The following NPHP4 variants were observed in gnomAD, a reference collection of about 807,000 sequenced individuals.
NPHP4 encodes the protein nephrocystin 4.
Under a neutral mutation model 155.8 loss-of-function variants are expected in NPHP4, and 151 were observed. The ratio of observed to expected loss-of-function variants is 0.97; its 90% confidence interval spans 0.85 to 1.11. The LOEUF is 1.11. Among genes scored for constraint, NPHP4 ranks in the 50% least tolerant of loss-of-function variants. The pLI is 0.00. For synonymous variants in NPHP4, 845 were observed against 816.8 expected, an observed-to-expected ratio of 1.03 and a Z score of -0.59; for missense variants, 1,956 against 1,925.7, an observed-to-expected ratio of 1.02 and a Z score of -0.29.
intron 6 of NPHP4, among the ~76,000 whole-genome samples, chr1:5,958,355 C>G (rs1046347981): frequency 6.6e-6 from 1 of 152,004 alleles, no homozygotes; most frequent in Non-Finnish European, 1.5e-5. Context: ...GAGTTTGAGA[C>G]CAGCCTGGGC....
At chr1:5,864,652 C>T (rs1297085624) in intron 27 of NPHP4, 135 bp from the exon 28 acceptor site, 1 of 727,862 alleles carries the variant, frequency 1.4e-6, no homozygotes, top group African/African-American at 1.8e-5. Context: ...AATCTGAGGC[C>T]ACAACCAACC....
intron 5 of NPHP4, among the ~76,000 whole-genome samples, chr1:5,965,647 A>C (rs565053489): frequency 1.3e-3 from 191 of 152,174 alleles, no homozygotes; most frequent in African/African-American, 4.4e-3. Context: ...GAGTTCCAGG[A>C]GTGACAGGAG....
Position 5,913,868 on chromosome 1 carries a change from C to G in NPHP4, c.1442-4655G>C, listed in dbSNP as rs535217446. ...CCGAAGGAGATCATTCTATACATAACGCAGAGAACAGAAAAGAACATTGTT... is the reference window on the plus strand; with the variant it reads ...CCGAAGGAGATCATTCTATACATAAGGCAGAGAACAGAAAAGAACATTGTT... On this transcript the variant is annotated intron_variant, in intron 11 of 29. Transcript: ENST00000378156. Among the ~76,000 whole-genome samples, 414 of 152,268 alleles carry G rather than the reference C, an allele frequency of 2.7e-3. 1 individual carries two copies. Among genetic ancestry groups the G allele is most frequent in the Middle Eastern group, 6.8e-3 (2 of 294 alleles).
At chr1:5,981,466 G>A (rs1654685282) in intron 2 of NPHP4, among the ~76,000 whole-genome samples, 1 of 151,918 alleles carries the variant, frequency 6.6e-6, no homozygotes, top group Non-Finnish European at 1.5e-5. Flanking sequence ...CAATGATCAT[G>A]GTAAAATTAA....
At chr1:5,888,910 A>G (rs1477574394) in intron 17 of NPHP4, among the ~76,000 whole-genome samples, 1 of 152,202 alleles carries the variant, frequency 6.6e-6, no homozygotes, top group African/African-American at 2.4e-5. Context: ...TAGGGAGAAG[A>G]GGATGGTAAA....
At chr1:5,878,282 T>C (rs560763490) in intron 19 of NPHP4, among the ~76,000 whole-genome samples, 14 of 152,356 alleles carry the variant, frequency 9.2e-5, no homozygotes, top group Admixed American at 2.0e-4. Context: ...AAGGAAACAG[T>C]GCCACTGTCA....
intron 16 of NPHP4, among the ~76,000 whole-genome samples, chr1:5,899,512 G>A (rs1644566237): frequency 1.3e-5 from 2 of 152,234 alleles, no homozygotes; most frequent in Non-Finnish European, 2.9e-5. Flanking sequence ...GGACTGCGGT[G>A]AGGGAGGCCT....
intron 16 of NPHP4, among the ~76,000 whole-genome samples, chr1:5,895,763 C>T (rs998696970): frequency 2.6e-5 from 4 of 152,158 alleles, no homozygotes; most frequent in Admixed American, 1.3e-4. Context: ...GCTGAGATAG[C>T]GAAATACTAG....
At position 5,867,095 on chromosome 1, in the gene NPHP4, C is replaced by A. The variant is rs767754476; in HGVS notation, c.3493G>T (p.Gly1165Cys). 1 of 1,612,422 alleles carries A rather than the reference C, an allele frequency of 6.2e-7. No individual in the cohort carries two copies. Among genetic ancestry groups the A allele is most frequent in the East Asian group, 2.2e-5 (1 of 44,824 alleles). The change falls in exon 25 of 30, where the codon GGT (glycine) becomes TGT (cysteine). Residue 1165 changes from glycine (G) to cysteine (C), a missense_variant. By Grantham distance (159) the Gly-to-Cys change is radical. Coordinates refer to ENST00000378156, the MANE Select transcript of NPHP4 (RefSeq NM_015102.5). The surrounding 1 kb of genome is among the most constrained non-coding windows in gnomAD (Gnocchi z 4.1). ...CGAACATGGACTGGGGGGTCCTCACCAAGCATTCCCACCGGAGCACCTGGA... is the reference window on the plus strand; with the variant it reads ...CGAACATGGACTGGGGGGTCCTCACAAAGCATTCCCACCGGAGCACCTGGA... ...TFPGAPVGML[G>C]EDPPVHVRCS...
intron 17 of NPHP4, chr1:5,888,644 T>C (rs762586152): frequency 6.8e-6 from 9 of 1,326,162 alleles, no homozygotes; most frequent in Non-Finnish European, 3.0e-6. Context: ...CAAGAAACCA[T>C]GTCAGCTTCT....
At chr1:5,954,413 T>C (rs964822949) in intron 6 of NPHP4, among the ~76,000 whole-genome samples, 2 of 152,256 alleles carry the variant, frequency 1.3e-5, no homozygotes, top group African/African-American at 4.8e-5. Context: ...CACTTACATG[T>C]ATACATGTGG....
At chr1:5,902,320 G>C (rs1178912388) in intron 16 of NPHP4, among the ~76,000 whole-genome samples, 2 of 152,186 alleles carry the variant, frequency 1.3e-5, no homozygotes, top group Non-Finnish European at 2.9e-5. Context: ...GCTGCTGTCT[G>C]GCCAACCTCC....
rs9628990 is a variant in NPHP4 at position 5,907,004 on chromosome 1, G to T, written c.1611+111C>A. ...CTCCCACCCACATCCCAGGTAACCC[G>T]CCAAGGTCTCTGCCACCTAACTAAG... On this transcript the variant is annotated intron_variant, in intron 13 of 29. Coordinates refer to ENST00000378156, the MANE Select transcript of NPHP4 (RefSeq NM_015102.5). The T allele has an allele frequency of 0.17, 89,717 of 539,812 alleles. 8,580 individuals carry two copies. Among genetic ancestry groups the T allele is most frequent in the Non-Finnish European group, 0.2 (63,829 of 311,748 alleles). 33.4% of individuals were successfully genotyped at this position (539,812 alleles called of 1,614,324 possible).
chr1:5,938,876 A>C (rs1333065529), intron 9 of NPHP4, among the ~76,000 whole-genome samples: 1 of 152,262 alleles, frequency 6.6e-6, no homozygotes, highest in Non-Finnish European at 1.5e-5. Context: ...TCTTCGGCCA[A>C]CAACTGTTAG....
chr1:5,977,807 C>A (rs1283786458), intron 3 of NPHP4, among the ~76,000 whole-genome samples: 1 of 77,160 alleles, frequency 1.3e-5, no homozygotes, highest in African/African-American at 5.0e-5. Context: ...CTGGGCAAGT[C>A]ACTTTACTAA....
intron 15 of NPHP4, among the ~76,000 whole-genome samples, 187 bp from the exon 16 acceptor site, chr1:5,904,991 C>T (rs17028877): frequency 6.6e-6 from 1 of 152,172 alleles, no homozygotes; most frequent in Non-Finnish European, 1.5e-5. Context: ...GCAGCATTCT[C>T]GAGTGTAAGG....
At chr1:5,921,092 T>C (rs1209706596) in intron 11 of NPHP4, among the ~76,000 whole-genome samples, 1 of 152,258 alleles carries the variant, frequency 6.6e-6, no homozygotes, top group African/African-American at 2.4e-5. Flanking sequence ...TCATAAGCAA[T>C]ACATGCAATT....
chr1:5,949,445 T>C (rs905805463), intron 7 of NPHP4, among the ~76,000 whole-genome samples: 1 of 151,776 alleles, frequency 6.6e-6, no homozygotes, highest in African/African-American at 2.4e-5. Context: ...ACAGCCCTCC[T>C]ATGTGCCAAA....
chr1:5,902,689 C>T (rs558820163), intron 16 of NPHP4, among the ~76,000 whole-genome samples: 35 of 152,286 alleles, frequency 2.3e-4, no homozygotes, highest in Non-Finnish European at 4.3e-4. Context: ...TAAAGAGTAC[C>T]TTTCTTCTTC....
Sources: allele counts gnomAD v4.1 joint callset (sites outside exome capture counted in the v4.1 genomes callset), GRCh38; gene constraint gnomAD v4.1.1; non-coding constraint Gnocchi (gnomAD v3.1); transcripts MANE v1.5; gene names NCBI Gene and HGNC (gene_info 2026-07-23, HGNC 2026-07-21).